The following COL11A1 variants were observed in gnomAD, a reference collection of about 807,000 sequenced individuals.
The protein encoded by COL11A1 is collagen type XI alpha 1 chain.
A neutral mutation model predicts 265.2 loss-of-function variants in COL11A1; 74 were observed. The observed-to-expected ratio is 0.28, with a 90% CI of 0.23 to 0.34. The LOEUF (loss-of-function observed/expected upper bound fraction) is 0.34, where lower values mean the gene tolerates loss of function less well. Among genes scored for constraint, COL11A1 ranks in the 10% least tolerant of loss-of-function variants. COL11A1 has a pLI of 1.00. For missense variants in COL11A1, 2,165 were observed against 2,263.6 expected (o/e 0.96, Z 0.88); for synonymous variants, 816 against 727.6 (o/e 1.12, Z -1.96).
intron 54 of COL11A1, among the ~76,000 whole-genome samples, chr1:102,908,028 A>G (rs1654196655): frequency 6.6e-6 from 1 of 152,116 alleles, no homozygotes; most frequent in Non-Finnish European, 1.5e-5. Context: ...ACAGCCATGC[A>G]TAATAATCTT....
intron 9 of COL11A1, 77 bp downstream of exon 9, chr1:103,021,630 A>G (rs1289969674): frequency 2.9e-5 from 27 of 929,396 alleles, no homozygotes; most frequent in Non-Finnish European, 4.8e-5. Flanking sequence ...AAACACGAAC[A>G]TACATAATAA....
At chr1:103,096,536 G>T (rs183212618) in intron 1 of COL11A1, among the ~76,000 whole-genome samples, 9 of 152,068 alleles carry the variant, frequency 5.9e-5, no homozygotes, top group Admixed American at 5.9e-4. Flanking sequence ...AATACTGTTA[G>T]AAATCATTGA....
intron 1 of COL11A1, among the ~76,000 whole-genome samples, chr1:103,086,994 C>T (rs909236789): frequency 2.0e-5 from 3 of 152,134 alleles, no homozygotes; most frequent in African/African-American, 7.2e-5. Flanking sequence ...TAAATGGATT[C>T]TACTGTTTTA....
In COL11A1 at chr1:102,938,462, T is replaced by C. The variant is rs143379816; in HGVS notation, c.3438+573A>G. 2.0e-5 allele frequency among the ~76,000 whole-genome samples: 3 copies of C among 152,276 alleles called. No homozygotes were observed. The East Asian group carries it at 5.8e-4, about 29-fold the overall frequency. On this transcript the variant is annotated intron_variant, in intron 44 of 66. Coordinates refer to ENST00000370096, the MANE Select transcript of COL11A1 (RefSeq NM_001854.4). ...AGAGTATAAATTAGTAAGGAAGTGC[T>C]GAAGCATGTGACAGTATCATCATCT...
intron 29 of COL11A1, 114 bp downstream of exon 29, chr1:102,989,404 G>T: frequency 1.8e-6 from 1 of 558,604 alleles, no homozygotes; most frequent in Non-Finnish European, 3.0e-6. Context: ...TAAAGACTTA[G>T]GTAGTACAAA....
intron 2 of COL11A1, 77 bp from the exon 3 acceptor site, chr1:103,078,948 T>C: frequency 9.7e-7 from 1 of 1,031,542 alleles, no homozygotes; most frequent in Non-Finnish European, 1.5e-6. Context: ...TGTGGTATTT[T>C]TGAAATTTCT....
chr1:103,089,424 T>C (rs988068059), intron 1 of COL11A1, among the ~76,000 whole-genome samples: 1 of 152,214 alleles, frequency 6.6e-6, no homozygotes, highest in Non-Finnish European at 1.5e-5. Context: ...TAATTATGTC[T>C]TTGGCTCTAG....
rs973932020 is a variant in COL11A1, at chr1:102,981,395, GA to G, written c.2557-1961del. 3.5e-5 allele frequency among the ~76,000 whole-genome samples: 5 copies of G among 141,926 alleles called. No homozygotes were observed. In the Admixed American group the frequency reaches 3.5e-4, roughly 10 times the overall value. The allele number at this position is 141,926 out of a possible 152,430, so 93.1% of individuals were successfully genotyped here. A position where few individuals can be genotyped will look rare whatever the true frequency, so the allele number is the denominator to read the frequency against. On this transcript the variant is annotated intron_variant, in intron 31 of 66. Coordinates refer to ENST00000370096, the MANE Select transcript of COL11A1 (RefSeq NM_001854.4). ...AATACAGTATGAAAATAAAAATTTTGAGGGGGGGGACAAATATTCAGTTCTG... is the reference window on the plus strand; with the variant it reads ...AATACAGTATGAAAATAAAAATTTTGGGGGGGGGACAAATATTCAGTTCTG...
At chr1:102,991,727 A>T (rs2101764722) in intron 28 of COL11A1, among the ~76,000 whole-genome samples, 1 of 152,260 alleles carries the variant, frequency 6.6e-6, no homozygotes, top group Non-Finnish European at 1.5e-5. Flanking sequence ...AGGTATATTA[A>T]AGTCCAGAAA....
chr1:102,944,044 G>T (rs376879741), intron 42 of COL11A1, among the ~76,000 whole-genome samples: 1 of 152,016 alleles, frequency 6.6e-6, no homozygotes, highest in Non-Finnish European at 1.5e-5. Context: ...ATAATATAGG[G>T]ATGCTAATTA....
chr1:103,101,810 G>T (rs1244999989), intron 1 of COL11A1, among the ~76,000 whole-genome samples: 2 of 151,560 alleles, frequency 1.3e-5, no homozygotes, highest in Non-Finnish European at 2.9e-5. Context: ...ACACAGGTTT[G>T]TTTTAGTTCT....
intron 24 of COL11A1, among the ~76,000 whole-genome samples, chr1:102,999,873 T>G (rs12753781): frequency 0.038 from 5,735 of 151,992 alleles, 150 homozygotes; most frequent in Middle Eastern, 0.1. Flanking sequence ...ATAGATGTAA[T>G]ACAACATTTA....
intron 1 of COL11A1, among the ~76,000 whole-genome samples, chr1:103,096,274 C>A (rs1331234419): frequency 6.6e-6 from 1 of 151,942 alleles, no homozygotes; most frequent in Non-Finnish European, 1.5e-5. Context: ...ATGTTGCTTT[C>A]TTAGACTGAG....
chr1:102,923,494 T>C (rs1048690862), intron 46 of COL11A1, 105 bp from the exon 47 acceptor site: 3 of 847,072 alleles, frequency 3.5e-6, no homozygotes, highest in Non-Finnish European at 5.7e-6. Flanking sequence ...AATAAGTACA[T>C]GGAAATTAAG....
intron 46 of COL11A1, among the ~76,000 whole-genome samples, chr1:102,932,778 G>T (rs1657637296): frequency 2.6e-5 from 4 of 151,254 alleles, no homozygotes; most frequent in Admixed American, 2.6e-4. Flanking sequence ...TTTCTTGGAG[G>T]CTTTGCTCAT....
rs1672006430 is a variant in COL11A1 at position 103,076,794 on chromosome 1, A to G, written c.488+1864T>C. On this transcript the variant is annotated intron_variant, in intron 3 of 66. Transcript: ENST00000370096. ...TCGCATATTTAAGCTCCAGGAGTGG[A>G]GGAACTTCACCTGGGTTGTTCATTG... is the stretch of plus-strand genomic sequence containing the variant. Among the ~76,000 whole-genome samples the G allele has an allele frequency of 1.3e-5, 2 of 152,116 alleles. 1 individual carries two copies. The highest frequency in any genetic ancestry group is 4.8e-5 in the African/African-American group (2 of 41,440).
intron 3 of COL11A1, 111 bp from the exon 4 acceptor site, chr1:103,074,891 T>A: frequency 7.8e-7 from 1 of 1,274,608 alleles, no homozygotes; most frequent in South Asian, 1.3e-5. Context: ...GCTAAAATCA[T>A]ACAAAAAATG....
intron 28 of COL11A1, among the ~76,000 whole-genome samples, chr1:102,994,947 G>T (rs1664482002): frequency 6.6e-6 from 1 of 152,060 alleles, no homozygotes; most frequent in African/African-American, 2.4e-5. Context: ...AGGAGAAAAA[G>T]AAAGAGAGAA....
At chr1:103,088,595 G>A (rs1336021915) in intron 1 of COL11A1, among the ~76,000 whole-genome samples, 4 of 152,178 alleles carry the variant, frequency 2.6e-5, no homozygotes, top group Admixed American at 1.3e-4. Flanking sequence ...AGTCACACCC[G>A]TTCATTTATA....
Sources: allele counts gnomAD v4.1 joint callset (sites outside exome capture counted in the v4.1 genomes callset), GRCh38; gene constraint gnomAD v4.1.1; transcripts MANE v1.5; gene names NCBI Gene and HGNC (gene_info 2026-07-23, HGNC 2026-07-21).